Variants in ZFHX3 observed in about 807,000 individuals in gnomAD.
ZFHX3 encodes zinc finger homeobox protein 3.
In ZFHX3, 42 loss-of-function variants were observed where a neutral mutation model predicts 279.1. The observed-to-expected ratio is 0.15, with a 90% CI of 0.12 to 0.19. The LOEUF is 0.19. Among genes scored for constraint, ZFHX3 ranks in the 10% least tolerant of loss-of-function variants. The probability of loss-of-function intolerance (pLI) is 1.00; values close to 1 mark genes in which losing one functional copy is unlikely to be tolerated. For synonymous variants in ZFHX3, 2,293 were observed against 1,957.8 expected, an observed-to-expected ratio of 1.17 and a Z score of -4.52; for missense variants, 4,981 against 4,754.0, an observed-to-expected ratio of 1.05 and a Z score of -1.40.
intron 1 of ZFHX3, among the ~76,000 whole-genome samples, chr16:73,866,823 T>G (rs1427929012): frequency 6.6e-6 from 1 of 152,162 alleles, no homozygotes; most frequent in African/African-American, 2.4e-5. Context: ...GGTGAGCTGT[T>G]GACAGCTACG....
At chr16:73,598,813 G>C (rs772593458) in intron 2 of ZFHX3, among the ~76,000 whole-genome samples, 1 of 152,198 alleles carries the variant, frequency 6.6e-6, no homozygotes, top group Admixed American at 6.5e-5. Flanking sequence ...GCCCAGGCTG[G>C]AGTGCAGTGG....
At chr16:73,128,180 G>A (rs567919765) in intron 7 of ZFHX3, among the ~76,000 whole-genome samples, 1 of 142,426 alleles carries the variant, frequency 7.0e-6, no homozygotes, top group Non-Finnish European at 1.5e-5. Context: ...ACTGATACAG[G>A]GGGGCTGGGT....
At chr16:72,894,328 G>T (rs767477384) in intron 3 of ZFHX3, among the ~76,000 whole-genome samples, 2 of 152,166 alleles carry the variant, frequency 1.3e-5, no homozygotes, top group African/African-American at 4.8e-5. Flanking sequence ...TGTCCAACTG[G>T]AAGTAAACAG....
At chr16:73,778,280 A>G (rs1959331247) in intron 1 of ZFHX3, among the ~76,000 whole-genome samples, 1 of 149,812 alleles carries the variant, frequency 6.7e-6, no homozygotes, top group African/African-American at 2.5e-5. Flanking sequence ...ACTTCAACTC[A>G]AAATGAAATC....
chr16:72,961,258 G>C (rs1961563971), intron 1 of ZFHX3, among the ~76,000 whole-genome samples: 1 of 152,218 alleles, frequency 6.6e-6, no homozygotes, highest in African/African-American at 2.4e-5. Context: ...TTAGTTATTA[G>C]TCGCTACCCA....
chr16:72,905,369 C>T (rs896627181), intron 3 of ZFHX3, among the ~76,000 whole-genome samples: 1 of 152,192 alleles, frequency 6.6e-6, no homozygotes, highest in Non-Finnish European at 1.5e-5. Flanking sequence ...CACCAATCAG[C>T]CACAATGTCC....
chr16:73,187,840 G>A (rs558362046), intron 5 of ZFHX3, among the ~76,000 whole-genome samples: 57 of 152,186 alleles, frequency 3.7e-4, no homozygotes, highest in Non-Finnish European at 2.8e-4. Flanking sequence ...TAACAGAGCT[G>A]GGCTTTATAA....
At chr16:73,383,779 T>C (rs569060474) in intron 3 of ZFHX3, among the ~76,000 whole-genome samples, 10 of 152,352 alleles carry the variant, frequency 6.6e-5, no homozygotes, top group Admixed American at 4.6e-4. Flanking sequence ...TGAGCCTGTG[T>C]CTGGTTTCCC....
chr16:73,523,022 C>T (rs540412724), intron 2 of ZFHX3, among the ~76,000 whole-genome samples: 3 of 152,250 alleles, frequency 2.0e-5, no homozygotes, highest in African/African-American at 7.2e-5. Context: ...GGGTCCCTCC[C>T]ACAACACGGT....
chr16:73,419,212 T>G (rs1380495545), intron 3 of ZFHX3, among the ~76,000 whole-genome samples: 1 of 152,182 alleles, frequency 6.6e-6, no homozygotes, highest in Non-Finnish European at 1.5e-5. Context: ...TGAGTGACTT[T>G]TATGGGGCAG....
At chr16:73,634,433 A>AATATATATAT (rs60477881) in intron 2 of ZFHX3, among the ~76,000 whole-genome samples, 38 of 59,888 alleles carry the variant, frequency 6.3e-4, no homozygotes, top group African/African-American at 1.6e-3. Flanking sequence ...TATTATGTAT[A>AATATATATAT]ATATATATAT....
chr16:73,527,757 A>AGCCACCAGTCAGTGGGGACCCAAGACCT (rs2019720583), intron 2 of ZFHX3, among the ~76,000 whole-genome samples: 5 of 152,198 alleles, frequency 3.3e-5, no homozygotes, highest in Non-Finnish European at 7.3e-5. Context: ...GCATAGCTCC[A>AGCCACCAGTCAGTGGGGACCCAAGACCT]GCCACCAGTC....
Position 73,319,750 on chromosome 16 carries a change from G to A in ZFHX3, c.-1290-1414C>T, listed in dbSNP as rs147318396. ...AATTTATAGGTTTAAACGAAACCCC[G>A]CTTGAAAAAGCAGACTGAATCTTCC... is the stretch of plus-strand genomic sequence containing the variant. On this transcript the variant is annotated intron_variant, in intron 3 of 17. Coordinates refer to the ZFHX3 transcript ENST00000641206. Among the ~76,000 whole-genome samples, 68 of 152,204 alleles carry A rather than the reference G, an allele frequency of 4.5e-4. 1 individual carries two copies. Among genetic ancestry groups the A allele is most frequent in the Middle Eastern group, 6.8e-3 (2 of 294 alleles).
intron 2 of ZFHX3, among the ~76,000 whole-genome samples, chr16:73,492,561 T>G (rs1033048444): frequency 6.6e-6 from 1 of 152,198 alleles, no homozygotes; most frequent in Admixed American, 6.5e-5. Context: ...CAGGTCTTCC[T>G]GCATAACGCA....
At chr16:72,988,359 G>C (rs1004353646) in intron 1 of ZFHX3, among the ~76,000 whole-genome samples, 1 of 152,186 alleles carries the variant, frequency 6.6e-6, no homozygotes, top group Non-Finnish European at 1.5e-5. Context: ...CTGACTGAAG[G>C]GTGCATGCTT....
chr16:73,854,821 C>T (rs1267232071), intron 1 of ZFHX3, among the ~76,000 whole-genome samples: 1 of 148,552 alleles, frequency 6.7e-6, no homozygotes, highest in South Asian at 2.2e-4. Context: ...ACATGAAACA[C>T]TTACCATATT....
intron 8 of ZFHX3, among the ~76,000 whole-genome samples, chr16:73,071,476 T>TGCCGCCGCC (rs59328820): frequency 1.0e-3 from 154 of 151,174 alleles, no homozygotes; most frequent in Non-Finnish European, 1.6e-3. Context: ...CTGCTGCTGC[T>TGCCGCCGCC]GCCGCCGCCG....
At chr16:73,444,213 ATGAAG>A (rs1340348421) in intron 3 of ZFHX3, among the ~76,000 whole-genome samples, 39 of 152,356 alleles carry the variant, frequency 2.6e-4, no homozygotes, top group Middle Eastern at 3.4e-3. Flanking sequence ...TTCAAGTCCC[ATGAAG>A]TGAACAAGCT....
chr16:72,928,800 T>C (rs1959632083), intron 3 of ZFHX3, among the ~76,000 whole-genome samples: 1 of 152,020 alleles, frequency 6.6e-6, no homozygotes, highest in Non-Finnish European at 1.5e-5. Context: ...ATCTCTACCA[T>C]AAAATAAAAA....
Sources: gnomAD v4.1 joint callset for allele counts (sites outside exome capture counted in the v4.1 genomes callset) on GRCh38, gnomAD v4.1.1 for gene constraint, MANE v1.5 for transcripts, NCBI Gene and HGNC (gene_info 2026-07-23, HGNC 2026-07-21) for gene names.